WWOX: variants seen among roughly 807,000 people sequenced by gnomAD.
WWOX encodes WW domain-containing oxidoreductase.
Under a neutral mutation model 46.2 loss-of-function variants are expected in WWOX, and 69 were observed. The ratio of observed to expected loss-of-function variants is 1.49; its 90% CI spans 1.23 to 1.82. The LOEUF (loss-of-function observed/expected upper bound fraction) is 1.82. Among genes scored for constraint, WWOX ranks in the 40% most tolerant of loss-of-function variants. The probability of loss-of-function intolerance (pLI) is 0.00; values close to 1 mark genes in which losing one functional copy is unlikely to be tolerated. For missense variants in WWOX, 919 were observed against 542.6 expected, an observed-to-expected ratio of 1.69 and a Z score of -6.89; for synonymous variants, 359 against 202.6, an observed-to-expected ratio of 1.77 and a Z score of -6.56.
chr16:78,619,921 A>G (rs2151642305), intron 8 of WWOX, among the ~76,000 whole-genome samples: 1 of 152,204 alleles, frequency 6.6e-6, no homozygotes, highest in South Asian at 2.1e-4. Context: ...TAAATAAATA[A>G]ATAAAAATAA....
chr16:78,393,455 G>GT (rs2082218647), intron 6 of WWOX, among the ~76,000 whole-genome samples: 1 of 151,900 alleles, frequency 6.6e-6, no homozygotes, highest in East Asian at 1.9e-4. Context: ...GCCCAGAAAC[G>GT]TGAGACCAGC....
chr16:78,534,314 A>C (rs894025360), intron 8 of WWOX: 4 of 152,224 alleles, frequency 2.6e-5, no homozygotes, highest in African/African-American at 9.6e-5. Context: ...CTTGGCATAT[A>C]GCTGCTCAAG....
intron 8 of WWOX, among the ~76,000 whole-genome samples, chr16:79,151,498 G>A (rs1050492081): frequency 2.0e-5 from 3 of 152,182 alleles, no homozygotes; most frequent in South Asian, 2.1e-4. Context: ...AACCAATACC[G>A]CTCCTTCTAC....
intron 8 of WWOX, among the ~76,000 whole-genome samples, chr16:78,722,232 G>A (rs9923426): frequency 6.6e-6 from 1 of 152,140 alleles, no homozygotes; most frequent in Admixed American, 6.5e-5. Flanking sequence ...TATGGTCACT[G>A]ACTCCGGGTT....
chr16:79,120,217 G>T (rs1213606243), intron 8 of WWOX, among the ~76,000 whole-genome samples: 1 of 152,186 alleles, frequency 6.6e-6, no homozygotes, highest in Non-Finnish European at 1.5e-5. Context: ...GACAGGGAAT[G>T]TATCTCCTGA....
intron 8 of WWOX, among the ~76,000 whole-genome samples, chr16:78,673,495 TCA>T (rs1287274312): frequency 6.6e-6 from 1 of 152,136 alleles, no homozygotes; most frequent in Non-Finnish European, 1.5e-5. Context: ...TCCAGGAAAC[TCA>T]CAGACTAGTT....
intron 8 of WWOX, among the ~76,000 whole-genome samples, chr16:78,441,689 G>C (rs1170559465): frequency 6.6e-6 from 1 of 152,108 alleles, no homozygotes; most frequent in Non-Finnish European, 1.5e-5. Flanking sequence ...ACCTGATTAA[G>C]ATTCATGCAT....
At chr16:78,926,902 T>A (rs2045511165) in intron 8 of WWOX, among the ~76,000 whole-genome samples, 1 of 152,090 alleles carries the variant, frequency 6.6e-6, no homozygotes, top group South Asian at 2.1e-4. Flanking sequence ...GCTCAAGTGA[T>A]CCTCCCACCT....
chr16:78,150,077 T>C (rs557100989), intron 4 of WWOX, among the ~76,000 whole-genome samples: 1 of 152,286 alleles, frequency 6.6e-6, no homozygotes, highest in South Asian at 2.1e-4. Flanking sequence ...CAAATGCCAG[T>C]AGCAAGTTCA....
chr16:78,956,340 A>C (rs958612433), intron 8 of WWOX, among the ~76,000 whole-genome samples: 1 of 152,086 alleles, frequency 6.6e-6, no homozygotes, highest in African/African-American at 2.4e-5. Context: ...TTTTTAGTGA[A>C]GGCGGAGTTT....
intron 8 of WWOX, among the ~76,000 whole-genome samples, chr16:78,828,958 C>T (rs1482645507): frequency 6.6e-6 from 1 of 152,128 alleles, no homozygotes; most frequent in Non-Finnish European, 1.5e-5. Flanking sequence ...AGGGACTTGC[C>T]AAAGCGACAC....
chr16:78,317,848 A>G (rs531267060), intron 5 of WWOX, among the ~76,000 whole-genome samples: 14 of 152,276 alleles, frequency 9.2e-5, no homozygotes, highest in African/African-American at 3.4e-4. Flanking sequence ...CAGTGAGACT[A>G]CTATCATTCA....
chr16:79,112,423 C>T (rs1308789318), intron 8 of WWOX, among the ~76,000 whole-genome samples: 1 of 152,138 alleles, frequency 6.6e-6, no homozygotes, highest in African/African-American at 2.4e-5. Context: ...AGAACTGTTG[C>T]CAGGAATATC....
At chr16:79,106,247 C>T (rs562441039) in intron 8 of WWOX, among the ~76,000 whole-genome samples, 13 of 152,312 alleles carry the variant, frequency 8.5e-5, no homozygotes, top group African/African-American at 3.1e-4. Flanking sequence ...AAATAAACTT[C>T]TTCATCCCTT....
intron 8 of WWOX, among the ~76,000 whole-genome samples, chr16:79,167,096 A>G (rs1477987927): frequency 6.6e-6 from 1 of 151,954 alleles, no homozygotes; most frequent in Non-Finnish European, 1.5e-5. Flanking sequence ...GTGTGCTACC[A>G]CGGCCGGCTA....
At chr16:78,463,557 C>T (rs189436793) in intron 8 of WWOX, among the ~76,000 whole-genome samples, 41 of 152,256 alleles carry the variant, frequency 2.7e-4, no homozygotes, top group African/African-American at 9.4e-4. Context: ...TATGGCTTAT[C>T]AGGATGCATA....
intron 8 of WWOX, among the ~76,000 whole-genome samples, chr16:78,798,590 GGT>G (rs2050804696): frequency 1.5e-5 from 1 of 67,678 alleles, no homozygotes; most frequent in Non-Finnish European, 4.0e-5. Context: ...GTTGTTGTTG[GGT>G]TTTTTTTTTT....
chr16:78,710,507 A>G (rs7196162), intron 8 of WWOX, among the ~76,000 whole-genome samples: 1 of 79,158 alleles, frequency 1.3e-5, no homozygotes, highest in African/African-American at 4.7e-5. Context: ...TATTTATATA[A>G]ATATATTTTA....
chr16:78,158,109 T>A (rs897868426), intron 4 of WWOX, among the ~76,000 whole-genome samples: 1 of 152,180 alleles, frequency 6.6e-6, no homozygotes, highest in Non-Finnish European at 1.5e-5. Context: ...TGTGCTATGC[T>A]GATTTTCCTT....
Sources: allele counts gnomAD v4.1 joint callset (sites outside exome capture counted in the v4.1 genomes callset), GRCh38; gene constraint gnomAD v4.1.1; transcripts MANE v1.5; gene names NCBI Gene and HGNC (gene_info 2026-07-23, HGNC 2026-07-21).